Variants in LDHAL6A observed in about 807,000 individuals in gnomAD.
LDHAL6A encodes the protein L-lactate dehydrogenase A-like 6A.
LDHAL6A carries 19 observed loss-of-function variants against 28.2 expected under a neutral mutation model. That is an observed-to-expected ratio of 0.67 (90% confidence interval 0.47 to 0.99). LDHAL6A has a LOEUF of 0.99. Among genes scored for constraint, LDHAL6A ranks in the 50% least tolerant of loss-of-function variants. The pLI is 0.00. For missense variants in LDHAL6A, 372 were observed against 398.6 expected, an observed-to-expected ratio of 0.93 and a Z score of 0.57; for synonymous variants, 144 against 134.4, an observed-to-expected ratio of 1.07 and a Z score of -0.49.
rs1003230238 is a variant in LDHAL6A, at chr11:18,456,581, C to G, written c.-100C>G. 45 of 1,079,664 alleles carry G rather than the reference C, an allele frequency of 4.2e-5. 1 individual carries two copies. The Admixed American group carries it at 8.6e-4, about 21-fold the overall frequency. The allele number at this position is 1,079,664 out of a possible 1,614,324, so 66.9% of individuals were successfully genotyped here. ...CCTTCCACACGGGCCCAGGAGTTCT[C>G]TATACGCGCTCTCACCGCAGGTCTT... is the stretch of plus-strand genomic sequence containing the variant. On this transcript the variant is annotated 5_prime_UTR_variant, in exon 1 of 7. Transcript: ENST00000280706.
chr11:18,459,866 T>G (rs572642282), intron 1 of LDHAL6A, among the ~76,000 whole-genome samples: 1 of 151,462 alleles, frequency 6.6e-6, no homozygotes, highest in Admixed American at 6.6e-5. Flanking sequence ...AGTCAAGTAT[T>G]TTGTAGAACA....
chr11:18,478,334 G>C (rs1849440648), intron 6 of LDHAL6A, among the ~76,000 whole-genome samples: 2 of 152,176 alleles, frequency 1.3e-5, no homozygotes, highest in Non-Finnish European at 2.9e-5. Flanking sequence ...ATGGCAGGAG[G>C]CTGGGGCCTA....
chr11:18,464,977 G>GTTTT (rs67628824), intron 2 of LDHAL6A, among the ~76,000 whole-genome samples: 26 of 125,470 alleles, frequency 2.1e-4, no homozygotes, highest in African/African-American at 3.0e-4. Flanking sequence ...TGTTTTTTTT[G>GTTTT]TTTTTTTTTG....
chr11:18,470,426 T>C (rs1849230193), intron 3 of LDHAL6A, among the ~76,000 whole-genome samples: 1 of 152,170 alleles, frequency 6.6e-6, no homozygotes, highest in Non-Finnish European at 1.5e-5. Context: ...TATGTATAGG[T>C]AGCATCACTA....
chr11:18,457,143 G>A (rs928830749), intron 1 of LDHAL6A, among the ~76,000 whole-genome samples: 16 of 152,244 alleles, frequency 1.1e-4, no homozygotes, highest in African/African-American at 2.9e-4. Context: ...GTATACAAGC[G>A]TGTCAGTGAT....
chr11:18,456,586 C>T lies in LDHAL6A; in HGVS notation c.-95C>T, dbSNP rs1411501439. Reference sequence around the variant, plus strand: ...CACACGGGCCCAGGAGTTCTCTATACGCGCTCTCACCGCAGGTCTTGGAAT... The same window carrying T: ...CACACGGGCCCAGGAGTTCTCTATATGCGCTCTCACCGCAGGTCTTGGAAT... On this transcript the variant is annotated 5_prime_UTR_variant, in exon 1 of 7. The change creates a new upstream start codon in the 5' untranslated region. Transcript: ENST00000280706. 5 of 1,142,594 alleles carry T rather than the reference C, an allele frequency of 4.4e-6. No homozygotes were observed. The highest frequency in any genetic ancestry group is 6.5e-6 in the Non-Finnish European group (5 of 772,852). The allele number at this position is 1,142,594 out of a possible 1,614,324, so 70.8% of individuals were successfully genotyped here.
At chr11:18,472,109 C>A (rs556612204) in intron 3 of LDHAL6A, among the ~76,000 whole-genome samples, 2 of 152,174 alleles carry the variant, frequency 1.3e-5, no homozygotes, top group African/African-American at 4.8e-5. Flanking sequence ...GTTACTTGCT[C>A]TGTTTTCAGT....
In LDHAL6A at chr11:18,476,519, CA is replaced by C; in HGVS notation, c.710+19del. On this transcript the variant is annotated intron_variant, in intron 5 of 6. Coordinates refer to ENST00000280706, the MANE Select transcript of LDHAL6A (RefSeq NM_144972.5). The stretch of plus-strand genomic sequence containing the variant: ...ATTTCCAGGTAATATGCTAGTTTCA[CA>C]TTTTCAGTACCTTAGAAGTTGTGAG... 6.2e-7 allele frequency: 1 copy of C among 1,611,878 alleles called. No homozygotes were observed. Among genetic ancestry groups the C allele is most frequent in the South Asian group, 1.1e-5 (1 of 90,718 alleles).
intron 3 of LDHAL6A, among the ~76,000 whole-genome samples, chr11:18,466,304 T>TA (rs1347375920): frequency 1.3e-5 from 2 of 152,102 alleles, no homozygotes; most frequent in East Asian, 3.9e-4. Context: ...TTTGTTAGTG[T>TA]AATATGTACT....
At chr11:18,476,709 C>A in intron 5 of LDHAL6A, 1 of 722,530 alleles carries the variant, frequency 1.4e-6, no homozygotes, top group Non-Finnish European at 1.7e-6. Flanking sequence ...TGAGCCTAAC[C>A]CAGTATTGAG....
intron 6 of LDHAL6A, among the ~76,000 whole-genome samples, 190 bp from the exon 7 acceptor site, chr11:18,478,516 T>G (rs1316271653): frequency 6.6e-6 from 1 of 151,820 alleles, no homozygotes. Flanking sequence ...GCCGAGATCG[T>G]GCCACTGCAC....
At chr11:18,466,610 C>T (rs561730716) in intron 3 of LDHAL6A, among the ~76,000 whole-genome samples, 32 of 147,790 alleles carry the variant, frequency 2.2e-4, no homozygotes, top group East Asian at 9.9e-4. Context: ...GCCATGATTG[C>T]GCCACTGCAC....
chr11:18,458,489 C>T (rs888689718), intron 1 of LDHAL6A, among the ~76,000 whole-genome samples: 7 of 152,208 alleles, frequency 4.6e-5, no homozygotes, highest in African/African-American at 1.7e-4. Context: ...ATGTTGCTAA[C>T]TATGGCATTT....
Position 18,464,984 on chromosome 11 carries a change from TTTGTTTTGTTTTG to T in LDHAL6A, c.245-650_245-638del, listed in dbSNP as rs1301283521. Among the ~76,000 whole-genome samples the T allele has an allele frequency of 3.9e-5, 5 of 128,882 alleles. 1 individual carries two copies. Among genetic ancestry groups the T allele is most frequent in the South Asian group, 2.3e-4 (1 of 4,352 alleles). 84.6% of individuals were successfully genotyped at this position (128,882 alleles called of 152,430 possible). On this transcript the variant is annotated intron_variant, in intron 2 of 6. Coordinates refer to ENST00000280706, the MANE Select transcript of LDHAL6A (RefSeq NM_144972.5). ...AGGTGAGGTGTTTTTTTTGTTTTTT[TTTGTTTTGTTTTG>T]TTTTGGTTTGTTTTTGAGACAGTGT...
intron 1 of LDHAL6A, among the ~76,000 whole-genome samples, chr11:18,461,392 C>T (rs1848900278): frequency 6.6e-6 from 1 of 151,960 alleles, no homozygotes; most frequent in Non-Finnish European, 1.5e-5. Context: ...ATCCGCCCAC[C>T]TTGGCCTCCC....
intron 4 of LDHAL6A, among the ~76,000 whole-genome samples, chr11:18,475,931 C>G (rs1849367115): frequency 6.6e-6 from 1 of 152,094 alleles, no homozygotes; most frequent in Admixed American, 6.6e-5. Flanking sequence ...TTGGGACACT[C>G]TAGTTCAGAA....
chr11:18,465,972 T>TC (rs1376781519), intron 3 of LDHAL6A, among the ~76,000 whole-genome samples, 162 bp downstream of exon 3: 1 of 152,188 alleles, frequency 6.6e-6, no homozygotes, highest in Non-Finnish European at 1.5e-5. Context: ...CTTGCTGCTC[T>TC]CACTCCCTCC....
chr11:18,476,172 T>C (rs1413096168), intron 4 of LDHAL6A, among the ~76,000 whole-genome samples: 1 of 152,226 alleles, frequency 6.6e-6, no homozygotes, highest in Non-Finnish European at 1.5e-5. Context: ...AAAACTGCAA[T>C]TTTCTTATTT....
intron 3 of LDHAL6A, among the ~76,000 whole-genome samples, chr11:18,469,859 A>G (rs757830706): frequency 1.3e-5 from 2 of 152,214 alleles, no homozygotes; most frequent in Non-Finnish European, 2.9e-5. Flanking sequence ...AAAAACTGAC[A>G]ACTTTAAATT....
Sources: gnomAD v4.1 joint callset for allele counts (sites outside exome capture counted in the v4.1 genomes callset) on GRCh38, gnomAD v4.1.1 for gene constraint, MANE v1.5 for transcripts, NCBI Gene and HGNC (gene_info 2026-07-23, HGNC 2026-07-21) for gene names.